RGS6: variants seen among roughly 807,000 people sequenced by gnomAD.
RGS6 encodes the protein regulator of G protein signaling 6.
In RGS6, 30 loss-of-function variants were observed where a neutral mutation model predicts 78.5. The observed-to-expected ratio is 0.38, with a 90% CI of 0.29 to 0.52. The LOEUF is 0.52. Ranked by LOEUF, RGS6 falls within the 20% of genes least tolerant of loss-of-function variation. The probability of loss-of-function intolerance (pLI) is 0.85; values close to 1 mark genes in which losing one functional copy is unlikely to be tolerated. For synonymous variants in RGS6, 206 were observed against 206.0 expected (o/e 1.00, Z 0.00); for missense variants, 495 against 609.7 (o/e 0.81, Z 1.98).
rs533507404 is a variant in RGS6 at position 72,340,505 on chromosome 14, A to G, written c.85-11590A>G. On this transcript the variant is annotated intron_variant, in intron 2 of 17. Transcript: ENST00000553525. ...GTAGTGGTCATCGTGCAAGGCAGAC[A>G]AGGGCCCTAGGGTGCAGGCAGGCTG... Among the ~76,000 whole-genome samples, 3 of 152,204 alleles carry G rather than the reference A, an allele frequency of 2.0e-5. No individual in the cohort carries two copies. The South Asian group carries it at 6.2e-4, about 32-fold the overall frequency.
intron 2 of RGS6, among the ~76,000 whole-genome samples, chr14:72,185,599 T>C (rs2097231060): frequency 6.6e-6 from 1 of 152,132 alleles, no homozygotes; most frequent in Non-Finnish European, 1.5e-5. Flanking sequence ...GACTGGATTG[T>C]GAAGTAGATG....
chr14:72,035,471 T>G (rs2091562992), intron 2 of RGS6, among the ~76,000 whole-genome samples: 1 of 152,198 alleles, frequency 6.6e-6, no homozygotes, highest in African/African-American at 2.4e-5. Flanking sequence ...CTAATTTGTT[T>G]ATTTTTACTC....
intron 2 of RGS6, among the ~76,000 whole-genome samples, chr14:72,214,183 T>A (rs558077606): frequency 4.2e-4 from 64 of 151,642 alleles, no homozygotes; most frequent in African/African-American, 1.4e-3. Flanking sequence ...TCTTATTTTT[T>A]TTTTTTTTTT....
At chr14:72,281,133 G>GAAACAAGA (rs1323148216) in intron 2 of RGS6, among the ~76,000 whole-genome samples, 2 of 148,234 alleles carry the variant, frequency 1.3e-5, no homozygotes, top group East Asian at 4.0e-4. Context: ...AGTGAGAAGT[G>GAAACAAGA]AAACAAGATT....
intron 3 of RGS6, among the ~76,000 whole-genome samples, chr14:72,370,516 C>T (rs2083286436): frequency 6.6e-6 from 1 of 152,136 alleles, no homozygotes; most frequent in South Asian, 2.1e-4. Context: ...TACATCTTAA[C>T]CGCACGGGGA....
chr14:72,141,611 T>C (rs946961736), intron 2 of RGS6, among the ~76,000 whole-genome samples: 3 of 152,142 alleles, frequency 2.0e-5, no homozygotes, highest in Non-Finnish European at 4.4e-5. Flanking sequence ...TGCTGGACCG[T>C]GAGGAAGGAC....
At chr14:72,436,141 G>A (rs892761362) in intron 3 of RGS6, among the ~76,000 whole-genome samples, 6 of 152,262 alleles carry the variant, frequency 3.9e-5, no homozygotes, top group Admixed American at 2.0e-4. Flanking sequence ...GTGGCCTTGC[G>A]GATGGAAGTC....
chr14:72,166,930 C>A (rs1198032406), intron 2 of RGS6, among the ~76,000 whole-genome samples: 4 of 152,206 alleles, frequency 2.6e-5, no homozygotes, highest in African/African-American at 9.6e-5. Flanking sequence ...CTCACTTGTT[C>A]ACCAAATCAT....
chr14:72,126,603 C>T (rs958929213), intron 2 of RGS6, among the ~76,000 whole-genome samples: 3 of 152,174 alleles, frequency 2.0e-5, no homozygotes, highest in African/African-American at 7.2e-5. Flanking sequence ...TTCCTTAAGG[C>T]CTTTTGGGTG....
the RGS6 span, among the ~76,000 whole-genome samples, chr14:71,887,710 A>T: frequency 6.6e-6 from 1 of 152,088 alleles, no homozygotes; most frequent in Non-Finnish European, 1.5e-5. Flanking sequence ...GTTGTTTAAG[A>T]TGTTTGTCAA....
chr14:71,968,837 A>T (rs1034766624), intron 2 of RGS6, among the ~76,000 whole-genome samples: 2 of 152,142 alleles, frequency 1.3e-5, no homozygotes, highest in African/African-American at 2.4e-5. Context: ...ATTGATTTTT[A>T]AAAAATACTT....
At chr14:72,262,889 T>G (rs563838998) in intron 2 of RGS6, among the ~76,000 whole-genome samples, 1 of 152,152 alleles carries the variant, frequency 6.6e-6, no homozygotes, top group African/African-American at 2.4e-5. Context: ...TGTCCCCCCA[T>G]GTTGGCCCCT....
chr14:71,873,961 G>A, the RGS6 span, among the ~76,000 whole-genome samples: 18 of 152,198 alleles, frequency 1.2e-4, no homozygotes, highest in East Asian at 3.1e-3. Flanking sequence ...TAGATGTGTG[G>A]TATTATTTCT....
chr14:72,519,435 G>C (rs548235975), intron 15 of RGS6, among the ~76,000 whole-genome samples: 1 of 152,182 alleles, frequency 6.6e-6, no homozygotes, highest in Non-Finnish European at 1.5e-5. Flanking sequence ...GAATTTGGGT[G>C]GTTTGCCCCT....
rs1038325335 is a variant in RGS6 at position 71,936,031 on chromosome 14, TATATATATATGTAC to T, written c.-21+3099_-21+3112del. On this transcript the variant is annotated intron_variant, in intron 1 of 17. Transcript: ENST00000553525. ...AACTAATAGGATATATATATATATATATATATATATGTACATATATATCATATATACATATATGC... is the reference window on the plus strand; with the variant it reads ...AACTAATAGGATATATATATATATATATATATATCATATATACATATATGC... 3.9e-4 allele frequency among the ~76,000 whole-genome samples: 44 copies of T among 114,188 alleles called. 1 individual carries two copies. Among genetic ancestry groups the T allele is most frequent in the Non-Finnish European group, 7.5e-4 (40 of 53,088 alleles). The allele number at this position is 114,188 out of a possible 152,430, so 74.9% of individuals were successfully genotyped here.
chr14:72,601,508 T>A, the RGS6 span, among the ~76,000 whole-genome samples: 1 of 152,212 alleles, frequency 6.6e-6, no homozygotes, highest in Non-Finnish European at 1.5e-5. Flanking sequence ...GGAAATAAGT[T>A]CTGCTGTTCT....
At chr14:72,102,141 A>G (rs1323609397) in intron 2 of RGS6, among the ~76,000 whole-genome samples, 5 of 152,220 alleles carry the variant, frequency 3.3e-5, no homozygotes, top group Non-Finnish European at 7.3e-5. Context: ...CTCTGGGTAT[A>G]TTGAAGACAT....
chr14:72,411,777 G>A (rs535147701), intron 3 of RGS6, among the ~76,000 whole-genome samples: 1 of 152,302 alleles, frequency 6.6e-6, no homozygotes, highest in Non-Finnish European at 1.5e-5. Context: ...TTAGCATGAA[G>A]CGTTGTTGAA....
At chr14:72,194,783 C>A (rs2039628264) in intron 2 of RGS6, among the ~76,000 whole-genome samples, 1 of 152,168 alleles carries the variant, frequency 6.6e-6, no homozygotes, top group African/African-American at 2.4e-5. Flanking sequence ...AAGAGGGACC[C>A]TGGGGCAGGG....
Sources: gnomAD v4.1 joint callset for allele counts (sites outside exome capture counted in the v4.1 genomes callset) on GRCh38, gnomAD v4.1.1 for gene constraint, MANE v1.5 for transcripts, NCBI Gene and HGNC (gene_info 2026-07-23, HGNC 2026-07-21) for gene names.